Variants in GULP1 observed in about 807,000 individuals in gnomAD.
GULP1 encodes GULP PTB domain containing engulfment adaptor 1, also known as PTB domain-containing engulfment adapter protein 1.
GULP1 carries 19 observed loss-of-function variants against 40.9 expected under a neutral mutation model. That is an observed-to-expected ratio of 0.46 (90% CI 0.32 to 0.68). The LOEUF is 0.68. Ranked by LOEUF, GULP1 falls within the 30% of genes least tolerant of loss-of-function variation. The pLI is 0.03. For synonymous variants in GULP1, 119 were observed against 117.6 expected (o/e 1.01, Z -0.08); for missense variants, 312 against 362.2 (o/e 0.86, Z 1.12).
rs79096267 is a variant in GULP1, at chr2:188,497,642, A to G, written c.90+14150A>G. On this transcript the variant is annotated intron_variant, in intron 4 of 11. Coordinates refer to ENST00000409830, the MANE Select transcript of GULP1 (RefSeq NM_016315.4). ...CAGCAAAAGAGATGAATATTTTACT[A>G]TTTTTCTTCAGCATATACTAGGTGC... Among the ~76,000 whole-genome samples, 103 of 152,048 alleles carry G rather than the reference A, an allele frequency of 6.8e-4. No individual in the cohort carries two copies. The East Asian group carries it at 0.019, about 28-fold the overall frequency.
chr2:188,568,154 A>G (rs1348825789), intron 7 of GULP1, among the ~76,000 whole-genome samples: 7 of 152,158 alleles, frequency 4.6e-5, no homozygotes, highest in Non-Finnish European at 4.4e-5. Context: ...TAAAAATTCT[A>G]TTAAATGATA....
At chr2:188,328,277 A>G (rs1057217663) in intron 1 of GULP1, among the ~76,000 whole-genome samples, 49 of 152,140 alleles carry the variant, frequency 3.2e-4, no homozygotes, top group African/African-American at 1.1e-3. Flanking sequence ...ATTTCTCTCT[A>G]TCTTCTCTCA....
At chr2:188,496,739 T>C (rs930149902) in intron 4 of GULP1, among the ~76,000 whole-genome samples, 5 of 151,960 alleles carry the variant, frequency 3.3e-5, no homozygotes, top group African/African-American at 9.7e-5. Context: ...TCATGTCCAA[T>C]TGTAATCCCC....
intron 2 of GULP1, among the ~76,000 whole-genome samples, chr2:188,408,465 A>G (rs2053432295): frequency 6.6e-6 from 1 of 152,162 alleles, no homozygotes; most frequent in Admixed American, 6.5e-5. Context: ...CATCAATAAG[A>G]TGTAAAATTT....
chr2:188,402,435 C>G (rs1212647001), intron 2 of GULP1, among the ~76,000 whole-genome samples: 1 of 151,968 alleles, frequency 6.6e-6, no homozygotes, highest in Non-Finnish European at 1.5e-5. Flanking sequence ...AGCAGACCCT[C>G]TTTCTTTAAA....
Position 188,459,854 on chromosome 2 carries a change from T to G in GULP1, c.-44-17805T>G, listed in dbSNP as rs1324766405. Among the ~76,000 whole-genome samples, 7 of 152,340 alleles carry G rather than the reference T, an allele frequency of 4.6e-5. 1 individual carries two copies. In the South Asian group the frequency reaches 8.3e-4, roughly 18 times the overall value. On this transcript the variant is annotated intron_variant, in intron 2 of 11. Transcript: ENST00000409830. The stretch of plus-strand genomic sequence containing the variant: ...GAGATGGGGTCTAGTTTCATTCTTT[T>G]GCATATGGATGTTCAGTTTTCCCAG...
At chr2:188,567,505 G>A (rs540610521) in intron 7 of GULP1, among the ~76,000 whole-genome samples, 1 of 152,272 alleles carries the variant, frequency 6.6e-6, no homozygotes, top group African/African-American at 2.4e-5. Context: ...GGATGAAGCT[G>A]GAAGCTATCA....
intron 2 of GULP1, among the ~76,000 whole-genome samples, chr2:188,445,946 T>A (rs992211097): frequency 4.6e-5 from 7 of 152,178 alleles, no homozygotes; most frequent in African/African-American, 1.7e-4. Context: ...TCATTTAAGG[T>A]CTGTAAACTC....
At chr2:188,545,192 AGATT>A (rs1383130654) in intron 7 of GULP1, among the ~76,000 whole-genome samples, 1 of 151,948 alleles carries the variant, frequency 6.6e-6, no homozygotes, top group Non-Finnish European at 1.5e-5. Context: ...ATGAAAATTA[AGATT>A]GTTTGCCACT....
At chr2:188,424,095 T>C (rs1376839997) in intron 2 of GULP1, among the ~76,000 whole-genome samples, 4 of 151,910 alleles carry the variant, frequency 2.6e-5, no homozygotes, top group African/African-American at 9.7e-5. Flanking sequence ...TATAAGTCAT[T>C]CAGTGAAATT....
chr2:188,403,637 G>A (rs2052634071), intron 2 of GULP1, among the ~76,000 whole-genome samples: 1 of 152,240 alleles, frequency 6.6e-6, no homozygotes, highest in South Asian at 2.1e-4. Context: ...TATCCAGAAA[G>A]GAGACTGTAT....
intron 2 of GULP1, among the ~76,000 whole-genome samples, chr2:188,406,586 TAGAG>T (rs1488077937): frequency 6.6e-6 from 1 of 151,816 alleles, no homozygotes; most frequent in Non-Finnish European, 1.5e-5. Flanking sequence ...AAAAATGCAA[TAGAG>T]AGTGTCAGCA....
intron 3 of GULP1, among the ~76,000 whole-genome samples, chr2:188,480,801 A>G (rs2061391464): frequency 6.6e-6 from 1 of 151,918 alleles, no homozygotes; most frequent in Non-Finnish European, 1.5e-5. Context: ...AAGTAATTCA[A>G]CTAGTTACAT....
At chr2:188,557,603 G>C (rs1041162830) in intron 7 of GULP1, among the ~76,000 whole-genome samples, 3 of 152,210 alleles carry the variant, frequency 2.0e-5, no homozygotes, top group East Asian at 1.9e-4. Flanking sequence ...CTACTCTCAC[G>C]TGCTGGCGTT....
At chr2:188,465,634 G>T (rs2060047422) in intron 2 of GULP1, among the ~76,000 whole-genome samples, 1 of 152,130 alleles carries the variant, frequency 6.6e-6, no homozygotes, top group Non-Finnish European at 1.5e-5. Flanking sequence ...ACTGGGATTG[G>T]CAATTCTCCT....
intron 2 of GULP1, among the ~76,000 whole-genome samples, chr2:188,471,507 T>C (rs1237795063): frequency 2.0e-5 from 3 of 152,142 alleles, no homozygotes; most frequent in Non-Finnish European, 4.4e-5. Context: ...TGATTTAGTT[T>C]TTTGCCTTTC....
intron 3 of GULP1, among the ~76,000 whole-genome samples, chr2:188,478,871 T>C (rs1384041842): frequency 6.6e-6 from 1 of 152,088 alleles, no homozygotes; most frequent in African/African-American, 2.4e-5. Context: ...CTGGGTGTTC[T>C]CCCTTTAAAA....
chr2:188,321,580 G>A (rs546789301), intron 1 of GULP1, among the ~76,000 whole-genome samples: 46 of 152,026 alleles, frequency 3.0e-4, no homozygotes, highest in African/African-American at 1.1e-3. Flanking sequence ...TACTGGCACT[G>A]TTTATCACTT....
intron 4 of GULP1, among the ~76,000 whole-genome samples, chr2:188,500,170 GT>G (rs2063303167): frequency 6.6e-6 from 1 of 151,922 alleles, no homozygotes; most frequent in East Asian, 1.9e-4. Context: ...TGGTGTGCTT[GT>G]TAAAAATACA....
Sources: gnomAD v4.1 joint callset for allele counts (sites outside exome capture counted in the v4.1 genomes callset) on GRCh38, gnomAD v4.1.1 for gene constraint, MANE v1.5 for transcripts, NCBI Gene and HGNC (gene_info 2026-07-23, HGNC 2026-07-21) for gene names.